CNST: variants seen among roughly 807,000 people sequenced by gnomAD.
CNST encodes consortin, connexin sorting protein.
Under a neutral mutation model 72.4 loss-of-function variants are expected in CNST, and 39 were observed. The ratio of observed to expected loss-of-function variants is 0.54; its 90% CI spans 0.42 to 0.70. CNST has a LOEUF of 0.70. CNST is among the 30% of genes least tolerant of loss of function. The pLI is 0.00. For synonymous variants in CNST, 332 were observed against 320.1 expected (o/e 1.04, Z -0.40); for missense variants, 871 against 868.5 (o/e 1.00, Z -0.04).
chr1:246,623,139 C>G (rs1229850297), intron 3 of CNST, among the ~76,000 whole-genome samples: 1 of 152,056 alleles, frequency 6.6e-6, no homozygotes, highest in Admixed American at 6.6e-5. Context: ...TTTATTTTTA[C>G]ATAAAATGAA....
At chr1:246,651,728 A>G (rs748973356) in intron 9 of CNST, among the ~76,000 whole-genome samples, 1 of 152,234 alleles carries the variant, frequency 6.6e-6, no homozygotes, top group African/African-American at 2.4e-5. Context: ...AAGTATTGCT[A>G]TTCTTTCTTA....
rs981420383 is a variant in CNST, at chr1:246,666,446, T to C, written c.*541T>C. 4.6e-5 allele frequency: 7 copies of C among 152,812 alleles called. No individual in the cohort carries two copies. Among genetic ancestry groups the C allele is most frequent in the African/African-American group, 1.7e-4 (7 of 41,478 alleles). 9.5% of individuals were successfully genotyped at this position (152,812 alleles called of 1,614,324 possible). ...TATGAAGTGATTGTGTGTTTGCGTG[T>C]GTGTGCGTGCGCATGTGCTTCCGGC... On this transcript the variant is annotated 3_prime_UTR_variant, in exon 11 of 11. Coordinates refer to ENST00000366513, the MANE Select transcript of CNST (RefSeq NM_152609.3).
intron 9 of CNST, 106 bp downstream of exon 9, chr1:246,648,143 G>T: frequency 6.8e-7 from 1 of 1,462,288 alleles, no homozygotes. Flanking sequence ...TCTCAAACAT[G>T]AGGGAAAATT....
chr1:246,572,264 A>ATAAAG (rs544407837), intron 1 of CNST, among the ~76,000 whole-genome samples: 72 of 152,356 alleles, frequency 4.7e-4, no homozygotes, highest in African/African-American at 1.7e-3. Flanking sequence ...AATGAATTAA[A>ATAAAG]TACTTTTTTA....
intron 1 of CNST, among the ~76,000 whole-genome samples, chr1:246,580,147 A>C (rs544699718): frequency 6.6e-6 from 1 of 152,306 alleles, no homozygotes; most frequent in East Asian, 1.9e-4. Context: ...CTAAATTTCT[A>C]AGGTTAAAAA....
intron 1 of CNST, among the ~76,000 whole-genome samples, chr1:246,584,640 G>A (rs75627008): frequency 0.028 from 4,330 of 152,256 alleles, 197 homozygotes; most frequent in African/African-American, 0.099. Flanking sequence ...AAACCAAGTC[G>A]AATGGAGACG....
intron 2 of CNST, among the ~76,000 whole-genome samples, chr1:246,614,725 C>CTCCCAAAGTGCTGAGATTACAGATGTGA (rs1663569852): frequency 6.6e-6 from 1 of 152,128 alleles, no homozygotes; most frequent in South Asian, 2.1e-4. Flanking sequence ...CCACCTCAGC[C>CTCCCAAAGTGCTGAGATTACAGATGTGA]TCCCAAAGTG....
intron 1 of CNST, among the ~76,000 whole-genome samples, chr1:246,589,587 G>A (rs145118970): frequency 0.022 from 3,376 of 152,208 alleles, 127 homozygotes; most frequent in African/African-American, 0.077. Context: ...ATATGCATGT[G>A]TCTTTATAGC....
At chr1:246,649,660 C>T (rs558109832) in intron 9 of CNST, among the ~76,000 whole-genome samples, 3 of 151,976 alleles carry the variant, frequency 2.0e-5, no homozygotes, top group Admixed American at 6.6e-5. Context: ...CCTTATAAAA[C>T]GTTTTCCTCT....
At chr1:246,619,893 G>A in intron 2 of CNST, among the ~76,000 whole-genome samples, 2 of 147,396 alleles carry the variant, frequency 1.4e-5, no homozygotes, top group Admixed American at 6.8e-5. Flanking sequence ...TCTACAGGGA[G>A]GACGGCTTCA....
chr1:246,610,333 C>A, intron 2 of CNST, among the ~76,000 whole-genome samples: 1 of 152,228 alleles, frequency 6.6e-6, no homozygotes, highest in South Asian at 2.1e-4. Context: ...TATTTTCTGT[C>A]TTTTTTATTG....
intron 2 of CNST, among the ~76,000 whole-genome samples, chr1:246,597,831 C>T (rs1475858138): frequency 6.6e-6 from 1 of 152,142 alleles, no homozygotes; most frequent in African/African-American, 2.4e-5. Flanking sequence ...CTTTTCTCAT[C>T]TGTAAGGAAG....
At chr1:246,601,629 T>C (rs1349632224) in intron 2 of CNST, among the ~76,000 whole-genome samples, 1 of 151,934 alleles carries the variant, frequency 6.6e-6, no homozygotes, top group Non-Finnish European at 1.5e-5. Context: ...ACCCCATCTC[T>C]ACTAAAAATG....
chr1:246,659,383 A>G (rs1666947311), intron 9 of CNST, among the ~76,000 whole-genome samples: 1 of 152,174 alleles, frequency 6.6e-6, no homozygotes. Context: ...TCACGAGGTC[A>G]GGAGATCGAG....
At chr1:246,609,616 C>G (rs141947510) in intron 2 of CNST, among the ~76,000 whole-genome samples, 18 of 152,292 alleles carry the variant, frequency 1.2e-4, no homozygotes, top group African/African-American at 4.3e-4. Flanking sequence ...ACCCTCCTTT[C>G]CATTTTCATG....
chr1:246,623,336 A>G (rs572402549), intron 3 of CNST, among the ~76,000 whole-genome samples: 1 of 152,340 alleles, frequency 6.6e-6, no homozygotes, highest in East Asian at 1.9e-4. Context: ...AAAATAGAAA[A>G]ACTGTTCTTG....
chr1:246,634,932 CCTCT>C (rs1473153222), intron 6 of CNST, among the ~76,000 whole-genome samples: 2 of 65,050 alleles, frequency 3.1e-5, no homozygotes, highest in African/African-American at 1.0e-4. Context: ...ACCTGGATGG[CCTCT>C]CTGTCTATCC....
intron 8 of CNST, among the ~76,000 whole-genome samples, chr1:246,646,716 G>A (rs993199223): frequency 1.3e-5 from 2 of 152,204 alleles, no homozygotes; most frequent in Non-Finnish European, 2.9e-5. Context: ...CCGACCTCAG[G>A]TGATCCGCCC....
chr1:246,641,042 T>C (rs1003739583), intron 6 of CNST, among the ~76,000 whole-genome samples: 3 of 152,204 alleles, frequency 2.0e-5, no homozygotes, highest in African/African-American at 7.2e-5. Flanking sequence ...TTGCCTGTCC[T>C]GTAATTTTAT....
Sources: allele counts gnomAD v4.1 joint callset (sites outside exome capture counted in the v4.1 genomes callset), GRCh38; gene constraint gnomAD v4.1.1; transcripts MANE v1.5; gene names NCBI Gene and HGNC (gene_info 2026-07-23, HGNC 2026-07-21).